Variants in UBR3 observed in about 807,000 individuals in gnomAD.
UBR3 encodes the protein E3 ubiquitin-protein ligase UBR3.
Under a neutral mutation model 243.2 loss-of-function variants are expected in UBR3, and 85 were observed. The observed-to-expected ratio is 0.35, with a 90% confidence interval of 0.29 to 0.42. The LOEUF is 0.42. Among genes scored for constraint, UBR3 ranks in the 10% least tolerant of loss-of-function variants. The pLI is 1.00. For synonymous variants in UBR3, 748 were observed against 799.8 expected (o/e 0.94, Z 1.09); for missense variants, 1,686 against 2,300.8 (o/e 0.73, Z 5.47).
chr2:170,049,691 T>TA (rs1455931619), intron 32 of UBR3, among the ~76,000 whole-genome samples: 1 of 152,230 alleles, frequency 6.6e-6, no homozygotes, highest in Non-Finnish European at 1.5e-5. Context: ...GAAGCCTTTC[T>TA]ATTGGATATC....
At chr2:169,880,883 T>C (rs1054264681) in intron 5 of UBR3, among the ~76,000 whole-genome samples, 1 of 152,162 alleles carries the variant, frequency 6.6e-6, no homozygotes, top group Non-Finnish European at 1.5e-5. Context: ...GTTCCTACAT[T>C]AGTTGGCTAA....
At chr2:169,969,838 C>T (rs1261160708) in intron 24 of UBR3, among the ~76,000 whole-genome samples, 1 of 132,892 alleles carries the variant, frequency 7.5e-6, no homozygotes, top group Non-Finnish European at 1.8e-5. Flanking sequence ...CATGAGCCAC[C>T]ACGCCCGGCC....
rs577928689 is a variant in UBR3 at position 169,869,424 on chromosome 2, A to G, written c.546-2812A>G. Among the ~76,000 whole-genome samples, 5 of 151,954 alleles carry G rather than the reference A, an allele frequency of 3.3e-5. No homozygotes were observed. In the South Asian group the frequency reaches 8.3e-4, roughly 25 times the overall value. On this transcript the variant is annotated intron_variant, in intron 1 of 38. Transcript: ENST00000272793. ...TTTTTAGTAGAGATGGTGCTTCACC[A>G]TGTTGGCCAGGCTGGTCTCAAACTC...
intron 1 of UBR3, among the ~76,000 whole-genome samples, chr2:169,832,569 GA>G (rs568527694): frequency 4.1e-5 from 6 of 147,114 alleles, no homozygotes; most frequent in Non-Finnish European, 9.0e-5. Context: ...TCTGTCTCAG[GA>G]AAAAAAACAA....
intron 24 of UBR3, among the ~76,000 whole-genome samples, chr2:169,966,363 A>C (rs13018911): frequency 0.43 from 65,574 of 152,034 alleles, 15,506 homozygotes; most frequent in Non-Finnish European, 0.54. Context: ...TCTGTTATTA[A>C]ACATATTACA....
At chr2:170,062,620 C>G (rs2091477909) in intron 35 of UBR3, among the ~76,000 whole-genome samples, 1 of 152,148 alleles carries the variant, frequency 6.6e-6, no homozygotes, top group South Asian at 2.1e-4. Flanking sequence ...TATGGGCATC[C>G]TCAAGCATGG....
intron 5 of UBR3, among the ~76,000 whole-genome samples, chr2:169,890,183 G>T (rs1003598876): frequency 2.0e-5 from 3 of 152,068 alleles, no homozygotes; most frequent in Admixed American, 6.5e-5. Flanking sequence ...ACCATACTAA[G>T]AAAATTAGAA....
intron 24 of UBR3, among the ~76,000 whole-genome samples, chr2:169,963,188 A>G (rs2087659203): frequency 6.6e-6 from 1 of 152,114 alleles, no homozygotes; most frequent in Admixed American, 6.6e-5. Flanking sequence ...TGGGGAAGGA[A>G]TTGGGGTGCT....
intron 24 of UBR3, among the ~76,000 whole-genome samples, chr2:169,978,045 T>G (rs1389097106): frequency 1.3e-5 from 2 of 152,164 alleles, no homozygotes; most frequent in African/African-American, 4.8e-5. Context: ...GTGGTATAAC[T>G]TCCATGCAGC....
chr2:169,907,402 T>C (rs2085060156), intron 10 of UBR3, among the ~76,000 whole-genome samples: 1 of 152,214 alleles, frequency 6.6e-6, no homozygotes, highest in Admixed American at 6.5e-5. Context: ...AATTATGTAA[T>C]TGTCCATTCT....
intron 16 of UBR3, 102 bp from the exon 17 acceptor site, chr2:169,927,218 A>G (rs914276472): frequency 8.9e-6 from 10 of 1,129,682 alleles, no homozygotes; most frequent in Middle Eastern, 2.5e-4. Flanking sequence ...AATTTGAAGC[A>G]TCTTATATTT....
At chr2:169,959,978 C>T (rs765299952) in intron 24 of UBR3, among the ~76,000 whole-genome samples, 29 of 151,988 alleles carry the variant, frequency 1.9e-4, no homozygotes, top group Non-Finnish European at 3.5e-4. Flanking sequence ...AGGCTGGGTG[C>T]GGTGGCTCAC....
At position 169,985,037 on chromosome 2, in the gene UBR3, G is replaced by T. The variant is rs540209747; in HGVS notation, c.3635-1608G>T. ...TTATTAAAAAAAAAAAGATCTTTAT[G>T]TGTGAGATAGGGTCAATGAAATTGT... On this transcript the variant is annotated intron_variant, in intron 24 of 38. Transcript: ENST00000272793. Among the ~76,000 whole-genome samples, 9 of 151,138 alleles carry T rather than the reference G, an allele frequency of 6.0e-5. No homozygotes were observed. The South Asian group carries it at 1.1e-3, about 18-fold the overall frequency.
intron 24 of UBR3, among the ~76,000 whole-genome samples, chr2:169,970,415 C>A (rs2088071957): frequency 7.3e-6 from 1 of 137,432 alleles, no homozygotes; most frequent in Admixed American, 7.3e-5. Context: ...TGCTGGTGCG[C>A]TGCACCCACT....
chr2:170,036,145 C>A (rs918779375), intron 31 of UBR3, among the ~76,000 whole-genome samples: 7 of 152,030 alleles, frequency 4.6e-5, no homozygotes, highest in African/African-American at 1.7e-4. Flanking sequence ...CTCTCCCAAT[C>A]TGTATAACTT....
intron 33 of UBR3, among the ~76,000 whole-genome samples, chr2:170,057,681 T>C (rs576513139): frequency 4.6e-5 from 7 of 152,266 alleles, no homozygotes; most frequent in East Asian, 1.9e-4. Context: ...CCAGTTTTTT[T>C]CTGAACCTCG....
At chr2:169,851,343 T>G (rs1015917509) in intron 1 of UBR3, among the ~76,000 whole-genome samples, 1 of 152,206 alleles carries the variant, frequency 6.6e-6, no homozygotes, top group African/African-American at 2.4e-5. Context: ...TAGATTGGTC[T>G]CAAACTTCTG....
At chr2:169,849,621 T>C (rs1169338696) in intron 1 of UBR3, among the ~76,000 whole-genome samples, 1 of 152,220 alleles carries the variant, frequency 6.6e-6, no homozygotes, top group Non-Finnish European at 1.5e-5. Context: ...AACTTTTAGC[T>C]TGTTTTTTAT....
chr2:169,997,818 C>T (rs1437435286), intron 26 of UBR3, among the ~76,000 whole-genome samples: 1 of 152,078 alleles, frequency 6.6e-6, no homozygotes, highest in African/African-American at 2.4e-5. Context: ...CCATGGTTTT[C>T]ATGGTCTCAG....
Sources: allele counts gnomAD v4.1 joint callset (sites outside exome capture counted in the v4.1 genomes callset), GRCh38; gene constraint gnomAD v4.1.1; transcripts MANE v1.5; gene names NCBI Gene and HGNC (gene_info 2026-07-23, HGNC 2026-07-21).